Variants in SH3PXD2A observed in about 807,000 individuals in gnomAD.
SH3PXD2A encodes the protein SH3 and PX domains 2A.
Under a neutral mutation model 115.2 loss-of-function variants are expected in SH3PXD2A, and 32 were observed. The ratio of observed to expected loss-of-function variants is 0.28; its 90% confidence interval spans 0.21 to 0.37. The LOEUF (loss-of-function observed/expected upper bound fraction) is 0.37, where lower values mean the gene tolerates loss of function less well. SH3PXD2A is among the 10% of genes least tolerant of loss of function. The pLI, the probability that SH3PXD2A is intolerant of heterozygous loss-of-function variation, is 1.00. For synonymous variants in SH3PXD2A, 610 were observed against 629.1 expected, an observed-to-expected ratio of 0.97 and a Z score of 0.45; for missense variants, 1,328 against 1,498.7, an observed-to-expected ratio of 0.89 and a Z score of 1.88.
Position 103,627,313 on chromosome 10 carries a change from C to T in SH3PXD2A, c.605-111G>A. 1 of 675,136 alleles carries T rather than the reference C, an allele frequency of 1.5e-6. No individual in the cohort carries two copies. Among genetic ancestry groups the T allele is most frequent in the South Asian group, 1.7e-5 (1 of 57,812 alleles). The allele number at this position is 675,136 out of a possible 1,614,324, so 41.8% of individuals were successfully genotyped here. ...GAGGCACAAGAAGCGGAGCATGGAG[C>T]CAGATGGCCTGGGGACCCAGCAAAT... On this transcript the variant is annotated intron_variant, in intron 8 of 14. Coordinates refer to ENST00000369774, the MANE Select transcript of SH3PXD2A (RefSeq NM_001394015.1). This position sits in a 1 kb window ranked among gnomAD's most constrained non-coding sequence, Gnocchi z 4.4.
intron 5 of SH3PXD2A, among the ~76,000 whole-genome samples, chr10:103,700,219 C>T (rs1440768809): frequency 2.0e-5 from 3 of 149,812 alleles, no homozygotes; most frequent in Non-Finnish European, 2.9e-5. Flanking sequence ...GGTTCAGCCA[C>T]CTAGTGCTTT....
chr10:103,852,360 G>A (rs1315322130), intron 1 of SH3PXD2A, among the ~76,000 whole-genome samples: 1 of 152,266 alleles, frequency 6.6e-6, no homozygotes, highest in African/African-American at 2.4e-5. Flanking sequence ...TGTCCTGAGA[G>A]AACCTTTGCA....
chr10:103,603,148 AAAG>A lies in SH3PXD2A; in HGVS notation c.2067_2069del (p.Phe690del). ...TGGTGTTGATGGTGATGGATGAGGA[AAAG>A]GAGGCTGAGGAGTGGTTCTTCCCCA... On this transcript the variant is annotated inframe_deletion, in exon 15 of 15. Transcript: ENST00000369774. The A allele has an allele frequency of 6.2e-7, 1 of 1,613,686 alleles. No homozygotes were observed. Among genetic ancestry groups the A allele is most frequent in the Non-Finnish European group, 8.5e-7 (1 of 1,179,982 alleles).
At chr10:103,654,181 C>G (rs1192143558) in intron 8 of SH3PXD2A, among the ~76,000 whole-genome samples, 1 of 152,126 alleles carries the variant, frequency 6.6e-6, no homozygotes, top group Non-Finnish European at 1.5e-5. Context: ...TCCCATGAGG[C>G]CACCAATGGG....
At chr10:103,788,504 A>G (rs74360087) in intron 2 of SH3PXD2A, among the ~76,000 whole-genome samples, 6,845 of 152,242 alleles carry the variant, frequency 0.045, 181 homozygotes, top group South Asian at 0.11. Flanking sequence ...CCTTGGCTTC[A>G]GCTAAATTGA....
intron 3 of SH3PXD2A, among the ~76,000 whole-genome samples, chr10:103,751,397 TTAAC>T (rs2038578128): frequency 6.6e-6 from 1 of 152,232 alleles, no homozygotes; most frequent in Non-Finnish European, 1.5e-5. Context: ...TTTACAAATA[TTAAC>T]TAACTTATTC....
At chr10:103,689,411 T>A (rs2037719884) in intron 6 of SH3PXD2A, among the ~76,000 whole-genome samples, 1 of 152,124 alleles carries the variant, frequency 6.6e-6, no homozygotes, top group African/African-American at 2.4e-5. Context: ...ACGCCTGTCA[T>A]CCCAGCACTT....
intron 3 of SH3PXD2A, among the ~76,000 whole-genome samples, chr10:103,760,580 A>ATG (rs1164904622): frequency 6.6e-6 from 1 of 151,004 alleles, no homozygotes; most frequent in East Asian, 1.9e-4. Flanking sequence ...AAAAAGATAT[A>ATG]TATATGTATT....
intron 7 of SH3PXD2A, chr10:103,661,835 G>C (rs2037309795): frequency 2.0e-5 from 20 of 985,068 alleles, no homozygotes; most frequent in Non-Finnish European, 2.3e-5. Context: ...AGGGGAGGGG[G>C]AGGAGGCCTA....
chr10:103,607,009 G>A (rs2036320586), intron 13 of SH3PXD2A, among the ~76,000 whole-genome samples: 1 of 150,926 alleles, frequency 6.6e-6, no homozygotes, highest in African/African-American at 2.4e-5. Context: ...TGGAAAGTGA[G>A]GAGCGTCTCT....
chr10:103,760,728 G>A (rs1043965219), intron 3 of SH3PXD2A, among the ~76,000 whole-genome samples: 4 of 151,708 alleles, frequency 2.6e-5, no homozygotes, highest in Non-Finnish European at 5.9e-5. Flanking sequence ...TATGTTTTTT[G>A]TTTGTTCGTT....
chr10:103,666,507 C>G lies in SH3PXD2A; in HGVS notation c.472+2101G>C, dbSNP rs1016745679. Among the ~76,000 whole-genome samples the G allele has an allele frequency of 6.6e-6, 1 of 152,172 alleles. No homozygotes were observed. Among genetic ancestry groups the G allele is most frequent in the African/African-American group, 2.4e-5 (1 of 41,424 alleles). ...CCTTGGACAAGAGTCTCTCGACACT[C>G]CAGGACTGGTGCCTCAGGACATGAC... is the stretch of plus-strand genomic sequence containing the variant. On this transcript the variant is annotated intron_variant, in intron 7 of 14. Coordinates refer to ENST00000369774, the MANE Select transcript of SH3PXD2A (RefSeq NM_001394015.1). This position sits in a 1 kb window ranked among gnomAD's most constrained non-coding sequence, Gnocchi z 4.5.
rs866309156 is a variant in SH3PXD2A at position 103,605,833 on chromosome 10, C to T, written c.1393G>A (p.Asp465Asn). 2.5e-6 allele frequency: 4 copies of T among 1,613,526 alleles called. No individual in the cohort carries two copies. The highest frequency in any genetic ancestry group is 1.3e-5 in the African/African-American group (1 of 74,918). The change falls in exon 14 of 15, where the codon GAT becomes AAT. Residue 465 changes from aspartate (D) to asparagine (N), a missense_variant. This residue lies in a region of SH3PXD2A where 509 missense variants were observed against 628.3 expected (regional missense o/e 0.81). Coordinates refer to ENST00000369774, the MANE Select transcript of SH3PXD2A (RefSeq NM_001394015.1). ...TIAEFQSCIS[D>N]GISFRGGQKA... Reference sequence around the variant, plus strand: ...TGTCCACCCCGAAAGCTGATGCCATCGGAAATGCACGACTGGAATTCGGCA... The same window carrying T: ...TGTCCACCCCGAAAGCTGATGCCATTGGAAATGCACGACTGGAATTCGGCA...
intron 8 of SH3PXD2A, among the ~76,000 whole-genome samples, chr10:103,652,902 C>T (rs2037150751): frequency 6.6e-6 from 1 of 152,126 alleles, no homozygotes; most frequent in Non-Finnish European, 1.5e-5. Flanking sequence ...GACAGCTGTA[C>T]CTAGAATAAT....
chr10:103,787,401 C>T (rs1010136920), intron 2 of SH3PXD2A, among the ~76,000 whole-genome samples: 5 of 152,236 alleles, frequency 3.3e-5, no homozygotes, highest in Non-Finnish European at 5.9e-5. Flanking sequence ...AGTCCTCCTA[C>T]ACAGTTTTCT....
At chr10:103,833,632 T>C (rs2039503138) in intron 1 of SH3PXD2A, among the ~76,000 whole-genome samples, 1 of 152,224 alleles carries the variant, frequency 6.6e-6, no homozygotes, top group Non-Finnish European at 1.5e-5. Flanking sequence ...GAAAGTGAGA[T>C]GATAAATTTC....
At position 103,603,026 on chromosome 10, in the gene SH3PXD2A, G is replaced by A. The variant is rs987762902; in HGVS notation, c.2192C>T (p.Thr731Ile). 1 of 1,613,990 alleles carries A rather than the reference G, an allele frequency of 6.2e-7. No individual in the cohort carries two copies. The highest frequency in any genetic ancestry group is 8.5e-7 in the Non-Finnish European group (1 of 1,180,058). ...RSASDAGIRG[T>I]PKVRAKKDAD... The stretch of plus-strand genomic sequence containing the variant: ...ATCCTTCTTTGCCCTGACCTTGGGA[G>A]TGCCGCGGATGCCTGCGTCCGAAGC... Residue 731 changes from threonine (T) to isoleucine (I), a missense_variant, in exon 15 of 15, where the codon ACT (threonine) becomes ATT (isoleucine). Physicochemically the swap from Thr to Ile is moderately conservative, Grantham distance 89. Coordinates refer to ENST00000369774, the MANE Select transcript of SH3PXD2A (RefSeq NM_001394015.1).
chr10:103,727,179 G>T (rs1352819777), intron 4 of SH3PXD2A, among the ~76,000 whole-genome samples: 2 of 152,168 alleles, frequency 1.3e-5, no homozygotes, highest in Admixed American at 1.3e-4. Flanking sequence ...ATACGATGGG[G>T]ACACTGAGGC....
intron 4 of SH3PXD2A, among the ~76,000 whole-genome samples, chr10:103,725,571 A>T (rs760743140): frequency 2.6e-5 from 4 of 152,166 alleles, no homozygotes; most frequent in Non-Finnish European, 5.9e-5. Flanking sequence ...TCATGCCGGT[A>T]ATCCCAGCAC....
Sources: gnomAD v4.1 joint callset for allele counts (sites outside exome capture counted in the v4.1 genomes callset) on GRCh38, gnomAD v4.1.1 for gene constraint, gnomAD v4.1.1 regional missense constraint, Gnocchi (gnomAD v3.1) non-coding constraint, MANE v1.5 for transcripts, NCBI Gene and HGNC (gene_info 2026-07-23, HGNC 2026-07-21) for gene names.